Variants in LYPLAL1 observed in about 807,000 individuals in gnomAD.
The protein encoded by LYPLAL1 is lysophospholipase-like protein 1.
In LYPLAL1, 23 loss-of-function variants were observed where a neutral mutation model predicts 19.7. That is an observed-to-expected ratio of 1.17 (90% CI 0.84 to 1.65). The LOEUF is 1.65. Ranked by LOEUF, LYPLAL1 falls within the 40% of genes most tolerant of loss-of-function variation. The probability of loss-of-function intolerance (pLI) is 0.00; values close to 1 mark genes in which losing one functional copy is unlikely to be tolerated. For missense variants in LYPLAL1, 355 were observed against 279.4 expected, an observed-to-expected ratio of 1.27 and a Z score of -1.93; for synonymous variants, 119 against 96.3, an observed-to-expected ratio of 1.24 and a Z score of -1.38.
the LYPLAL1 span, among the ~76,000 whole-genome samples, chr1:219,370,612 G>A: frequency 1.3e-5 from 2 of 152,280 alleles, no homozygotes; most frequent in East Asian, 3.9e-4. Context: ...TAGAAGGCTG[G>A]GGATAAGATT....
chr1:219,377,718 T>A, the LYPLAL1 span, among the ~76,000 whole-genome samples: 2 of 152,142 alleles, frequency 1.3e-5, no homozygotes, highest in Non-Finnish European at 2.9e-5. Context: ...ATTTAAGTAA[T>A]AATTTTTCTT....
the LYPLAL1 span, among the ~76,000 whole-genome samples, chr1:219,393,405 C>G: frequency 6.6e-6 from 1 of 152,090 alleles, no homozygotes. Flanking sequence ...ACACAGGATC[C>G]AGATATGCCC....
At chr1:219,197,716 G>C (rs896278759) in intron 3 of LYPLAL1, among the ~76,000 whole-genome samples, 2 of 152,104 alleles carry the variant, frequency 1.3e-5, no homozygotes, top group African/African-American at 2.4e-5. Context: ...GAAAATTTTT[G>C]CGATCTATCC....
the LYPLAL1 span, among the ~76,000 whole-genome samples, chr1:219,374,319 A>G: frequency 1.1e-4 from 16 of 152,178 alleles, no homozygotes; most frequent in Middle Eastern, 3.4e-3. Flanking sequence ...CCATATGACC[A>G]TATTTATATC....
At chr1:219,408,894 T>C in the LYPLAL1 span, among the ~76,000 whole-genome samples, 1 of 152,174 alleles carries the variant, frequency 6.6e-6, no homozygotes, top group Admixed American at 6.5e-5. Context: ...GAAAGTGAAT[T>C]CTCTATTGAG....
the LYPLAL1 span, among the ~76,000 whole-genome samples, chr1:219,224,325 G>T: frequency 6.6e-6 from 1 of 152,100 alleles, no homozygotes; most frequent in Non-Finnish European, 1.5e-5. Flanking sequence ...TTTTTAAGTG[G>T]CAAGAGAAAA....
At chr1:219,267,296 C>A in the LYPLAL1 span, among the ~76,000 whole-genome samples, 1 of 152,158 alleles carries the variant, frequency 6.6e-6, no homozygotes, top group African/African-American at 2.4e-5. Flanking sequence ...ATGTACCCAT[C>A]TCATAAACTT....
the LYPLAL1 span, among the ~76,000 whole-genome samples, chr1:219,275,720 A>G: frequency 1.3e-5 from 2 of 152,074 alleles, no homozygotes; most frequent in African/African-American, 4.8e-5. Context: ...TTAAGTATTA[A>G]AACTTTAATA....
the LYPLAL1 span, among the ~76,000 whole-genome samples, chr1:219,359,616 TTAAAA>T: frequency 6.6e-6 from 1 of 152,188 alleles, no homozygotes; most frequent in South Asian, 2.1e-4. Flanking sequence ...ATCCAATTTC[TTAAAA>T]TAAACATGGA....
At chr1:219,348,798 T>C in the LYPLAL1 span, among the ~76,000 whole-genome samples, 3 of 152,206 alleles carry the variant, frequency 2.0e-5, no homozygotes, top group Admixed American at 6.5e-5. Context: ...GAGTGCCTGC[T>C]ATATATCAGA....
At chr1:219,203,458 G>A (rs189609558) in intron 3 of LYPLAL1, among the ~76,000 whole-genome samples, 2 of 152,154 alleles carry the variant, frequency 1.3e-5, no homozygotes, top group South Asian at 2.1e-4. Context: ...GTCTAGTAAG[G>A]CAGAGAGGGA....
intron 2 of LYPLAL1, among the ~76,000 whole-genome samples, chr1:219,182,112 G>T (rs546604892): frequency 6.6e-6 from 1 of 152,244 alleles, no homozygotes; most frequent in African/African-American, 2.4e-5. Context: ...GCAATTACTT[G>T]TCCTAAGACT....
chr1:219,370,145 G>C, the LYPLAL1 span, among the ~76,000 whole-genome samples: 4 of 152,160 alleles, frequency 2.6e-5, no homozygotes, highest in African/African-American at 9.7e-5. Flanking sequence ...ATTGTACACA[G>C]CAACTCTTGT....
the LYPLAL1 span, among the ~76,000 whole-genome samples, chr1:219,389,085 A>C: frequency 1.3e-5 from 2 of 152,156 alleles, no homozygotes; most frequent in African/African-American, 2.4e-5. Flanking sequence ...TTTGGTATAA[A>C]ATGTATTCTC....
At chr1:219,371,048 A>G in the LYPLAL1 span, among the ~76,000 whole-genome samples, 1 of 152,188 alleles carries the variant, frequency 6.6e-6, no homozygotes, top group Non-Finnish European at 1.5e-5. Context: ...GTTTCTGGCC[A>G]TATCATCGTA....
At chr1:219,227,817 T>TA in the LYPLAL1 span, among the ~76,000 whole-genome samples, 1 of 152,246 alleles carries the variant, frequency 6.6e-6, no homozygotes, top group African/African-American at 2.4e-5. Context: ...TTGTCTATTT[T>TA]AAAAGGATAT....
At chr1:219,244,902 A>G in the LYPLAL1 span, among the ~76,000 whole-genome samples, 1 of 117,222 alleles carries the variant, frequency 8.5e-6, no homozygotes, top group Admixed American at 1.0e-4. Flanking sequence ...AGATGAGATC[A>G]TGCCACTGCA....
At chr1:219,224,677 C>G in the LYPLAL1 span, among the ~76,000 whole-genome samples, 1 of 152,102 alleles carries the variant, frequency 6.6e-6, no homozygotes, top group Non-Finnish European at 1.5e-5. Flanking sequence ...GTTGTAGATT[C>G]AGAACTATTT....
chr1:219,422,590 A>G, the LYPLAL1 span, among the ~76,000 whole-genome samples: 2 of 152,208 alleles, frequency 1.3e-5, no homozygotes, highest in African/African-American at 2.4e-5. Flanking sequence ...AAATAGCTTG[A>G]GCCCAACCAT....
Sources: gnomAD v4.1 joint callset for allele counts (sites outside exome capture counted in the v4.1 genomes callset) on GRCh38, gnomAD v4.1.1 for gene constraint, MANE v1.5 for transcripts, NCBI Gene and HGNC (gene_info 2026-07-23, HGNC 2026-07-21) for gene names.